ABLIM1: variants seen among roughly 807,000 people sequenced by gnomAD.
ABLIM1 encodes actin binding LIM protein 1, also known as actin-binding LIM protein 1.
Under a neutral mutation model 107.0 loss-of-function variants are expected in ABLIM1, and 40 were observed. The ratio of observed to expected loss-of-function variants is 0.37; its 90% CI spans 0.29 to 0.49. The LOEUF is 0.49. ABLIM1 is among the 20% of genes least tolerant of loss of function. The pLI, the probability that ABLIM1 is intolerant of heterozygous loss-of-function variation, is 0.97. For synonymous variants in ABLIM1, 357 were observed against 357.3 expected (o/e 1.00, Z 0.01); for missense variants, 857 against 1,008.5 (o/e 0.85, Z 2.04).
chr10:114,774,794 C>G, the ABLIM1 span, among the ~76,000 whole-genome samples: 1 of 152,046 alleles, frequency 6.6e-6, no homozygotes, highest in Non-Finnish European at 1.5e-5. Context: ...GATGTAGGCT[C>G]TGTCATAAAG....
chr10:114,700,956 C>T (rs1445299070), intron 1 of ABLIM1, among the ~76,000 whole-genome samples: 1 of 151,998 alleles, frequency 6.6e-6, no homozygotes, highest in Admixed American at 6.6e-5. Context: ...AAATTAAACA[C>T]TCCATTCATC....
chr10:114,741,801 A>C (rs1323095066), intron 1 of ABLIM1, among the ~76,000 whole-genome samples: 2 of 152,338 alleles, frequency 1.3e-5, no homozygotes, highest in African/African-American at 4.8e-5. Flanking sequence ...CACCACAAGT[A>C]ACTGACAGAG....
chr10:114,440,477 G>A (rs777785374), intron 19 of ABLIM1, among the ~76,000 whole-genome samples: 2 of 150,938 alleles, frequency 1.3e-5, no homozygotes, highest in Non-Finnish European at 2.9e-5. Flanking sequence ...AGACAGTCTT[G>A]CTCCGTCACC....
intron 1 of ABLIM1, among the ~76,000 whole-genome samples, chr10:114,645,828 C>T (rs2497696): frequency 0.021 from 3,238 of 152,198 alleles, 101 homozygotes; most frequent in African/African-American, 0.074. Flanking sequence ...CCAAAATGTC[C>T]TTTTGGCCTG....
chr10:114,785,819 C>A, the ABLIM1 span, among the ~76,000 whole-genome samples: 2 of 152,206 alleles, frequency 1.3e-5, no homozygotes, highest in Non-Finnish European at 2.9e-5. Flanking sequence ...ACCTCCACCT[C>A]TTGGGTTCAA....
At chr10:114,525,742 A>G (rs1248404789) in intron 6 of ABLIM1, among the ~76,000 whole-genome samples, 2 of 152,220 alleles carry the variant, frequency 1.3e-5, no homozygotes, top group African/African-American at 2.4e-5. Flanking sequence ...AAACAGGCTC[A>G]GTTTTCTTTT....
chr10:114,480,979 T>G (rs558950726), intron 8 of ABLIM1, among the ~76,000 whole-genome samples: 1 of 152,226 alleles, frequency 6.6e-6, no homozygotes, highest in African/African-American at 2.4e-5. Context: ...GTTTTCTTCA[T>G]GAAATCTCTT....
Position 114,441,780 on chromosome 10 carries a change from T to G in ABLIM1, c.1940A>C (p.His647Pro). The G allele has an allele frequency of 1.9e-6, 3 of 1,613,824 alleles. No individual in the cohort carries two copies. Among genetic ancestry groups the G allele is most frequent in the Non-Finnish European group, 2.5e-6 (3 of 1,179,744 alleles). Reference sequence around the variant, plus strand: ...AGATGCAGTTTTAGATGATGGAATATGTGAAGCTGAGTAAGAAAAAAGTAA... The same window carrying G: ...AGATGCAGTTTTAGATGATGGAATAGGTGAAGCTGAGTAAGAAAAAAGTAA... The part of the protein sequence containing the change: ...RYDSPINSAS[H>P]IPSSKTASLP... Residue 647 changes from histidine to proline, a missense_variant, in exon 18 of 23, where the codon CAT becomes CCT. Physicochemically the swap from His to Pro is moderately conservative, Grantham distance 77. Coordinates refer to ENST00000533213, the MANE Select transcript of ABLIM1 (RefSeq NM_002313.7).
In ABLIM1 at chr10:114,431,230, A is replaced by G. The variant is rs2058820367; in HGVS notation, c.*5030T>C. ...CAGGAGCGGGGAGCAGGTAGGGATC[A>G]CAGGCACAGCAGCGCGGAGCCGGCA... On this transcript the variant is annotated 3_prime_UTR_variant, in exon 23 of 23. Transcript: ENST00000533213. 1 of 152,412 alleles carries G rather than the reference A, an allele frequency of 6.6e-6. No homozygotes were observed. The highest frequency in any genetic ancestry group is 1.5e-5 in the Non-Finnish European group (1 of 68,164). 9.4% of individuals were successfully genotyped at this position (152,412 alleles called of 1,614,324 possible). A position where few individuals can be genotyped will look rare whatever the true frequency, so the allele number is the denominator to read the frequency against.
intron 1 of ABLIM1, among the ~76,000 whole-genome samples, chr10:114,757,630 C>A (rs2142531844): frequency 6.6e-6 from 1 of 152,326 alleles, no homozygotes; most frequent in East Asian, 1.9e-4. Flanking sequence ...AATTTCTCAG[C>A]ACCTGCTCTC....
chr10:114,468,994 G>C (rs1056687812), intron 10 of ABLIM1, among the ~76,000 whole-genome samples: 59 of 144,546 alleles, frequency 4.1e-4, no homozygotes, highest in African/African-American at 1.4e-3. Flanking sequence ...GAAGCTTGCA[G>C]TGAGCCGAGA....
chr10:114,481,282 C>T (rs548867202), intron 8 of ABLIM1, among the ~76,000 whole-genome samples: 31 of 152,018 alleles, frequency 2.0e-4, no homozygotes, highest in Non-Finnish European at 4.1e-4. Flanking sequence ...GTAGCCCCTG[C>T]CCTCCCCCCA....
chr10:114,568,932 T>A (rs2138674830), intron 4 of ABLIM1, among the ~76,000 whole-genome samples: 1 of 152,318 alleles, frequency 6.6e-6, no homozygotes, highest in East Asian at 1.9e-4. Context: ...TAATAAAAAT[T>A]AGAATCAACA....
At chr10:114,563,840 C>T (rs1447617509) in intron 4 of ABLIM1, among the ~76,000 whole-genome samples, 2 of 98,470 alleles carry the variant, frequency 2.0e-5, no homozygotes, top group African/African-American at 4.7e-5. Flanking sequence ...AGAGAGGCTC[C>T]GTCTCAAAAA....
rs547235866 is a variant in ABLIM1 at position 114,620,449 on chromosome 10, G to A, written c.245-18488C>T. On this transcript the variant is annotated intron_variant, in intron 1 of 22. Transcript: ENST00000533213. Reference sequence around the variant, plus strand: ...TCTTCAGAAGAAGTCTCACTCTATCGCCCAGGCTGGAGTGCAGTGGCGTGA... The same window carrying A: ...TCTTCAGAAGAAGTCTCACTCTATCACCCAGGCTGGAGTGCAGTGGCGTGA... 7.2e-5 allele frequency among the ~76,000 whole-genome samples: 11 copies of A among 152,018 alleles called. No individual in the cohort carries two copies. The South Asian group carries it at 1.5e-3, about 20-fold the overall frequency.
chr10:114,577,378 C>T (rs1360860908), intron 2 of ABLIM1, among the ~76,000 whole-genome samples: 1 of 152,144 alleles, frequency 6.6e-6, no homozygotes, highest in Admixed American at 6.5e-5. Context: ...CACAACAATG[C>T]ATCCAGACTA....
chr10:114,473,947 T>C lies in ABLIM1; in HGVS notation c.1051A>G (p.Thr351Ala), dbSNP rs1380497784. 3.7e-6 allele frequency: 6 copies of C among 1,613,606 alleles called. No individual in the cohort carries two copies. Among genetic ancestry groups the C allele is most frequent in the Non-Finnish European group, 5.1e-6 (6 of 1,179,686 alleles). ...KTEEKLRPTR[T>A]SSESIYSRPG... ...CTAGAATAAATACTTTCCGAGGATG[T>C]CCTGGTAGGCTGTAAAATAAACAGT... Residue 351 changes from threonine (T) to alanine (A), a missense_variant, in exon 9 of 23, where the codon ACA (threonine) becomes GCA (alanine). By Grantham distance (58) the Thr-to-Ala change is moderately conservative. Transcript: ENST00000533213.
At chr10:114,753,758 C>T (rs2082569668) in intron 1 of ABLIM1, among the ~76,000 whole-genome samples, 1 of 152,138 alleles carries the variant, frequency 6.6e-6, no homozygotes, top group Non-Finnish European at 1.5e-5. Context: ...AGAACCCAGC[C>T]CACCAACGAA....
intron 1 of ABLIM1, among the ~76,000 whole-genome samples, chr10:114,617,408 C>G (rs936141549): frequency 6.6e-6 from 1 of 151,856 alleles, no homozygotes; most frequent in Admixed American, 6.6e-5. Flanking sequence ...ATTACAGGTG[C>G]GTGCCAACAC....
Sources: allele counts gnomAD v4.1 joint callset (sites outside exome capture counted in the v4.1 genomes callset), GRCh38; gene constraint gnomAD v4.1.1; transcripts MANE v1.5; gene names NCBI Gene and HGNC (gene_info 2026-07-23, HGNC 2026-07-21).